The following TRPM2 variants were observed in gnomAD, a reference collection of about 807,000 sequenced individuals.
The protein encoded by TRPM2 is estrogen-responsive element-associated gene 1 protein.
A neutral mutation model predicts 174.0 loss-of-function variants in TRPM2; 161 were observed. That is an observed-to-expected ratio of 0.93 (90% CI 0.81 to 1.05). The LOEUF is 1.05. Among genes scored for constraint, TRPM2 ranks in the 50% least tolerant of loss-of-function variants. The pLI, the probability that TRPM2 is intolerant of heterozygous loss-of-function variation, is 0.00. For synonymous variants in TRPM2, 954 were observed against 861.3 expected, an observed-to-expected ratio of 1.11 and a Z score of -1.88; for missense variants, 2,057 against 2,038.0, an observed-to-expected ratio of 1.01 and a Z score of -0.18.
chr21:44,364,052 G>T, intron 2 of TRPM2, 62 bp from the exon 3 acceptor site: 2 of 1,543,788 alleles, frequency 1.3e-6, no homozygotes, highest in Non-Finnish European at 1.8e-6. Flanking sequence ...CTCCTCTGAT[G>T]CCTTCACAGG....
intron 31 of TRPM2, among the ~76,000 whole-genome samples, 162 bp downstream of exon 31, chr21:44,441,067 G>A (rs1474323764): frequency 6.6e-6 from 1 of 152,174 alleles, no homozygotes; most frequent in East Asian, 1.9e-4. Context: ...ACCGGGGTCT[G>A]GATTCTGGAC....
chr21:44,419,645 T>C (rs1312144572), intron 22 of TRPM2, among the ~76,000 whole-genome samples: 1 of 35,666 alleles, frequency 2.8e-5, no homozygotes, highest in Non-Finnish European at 6.4e-5. Context: ...GTGGTGGTGT[T>C]GGTGATGGTG....
At chr21:44,407,951 G>T (rs929555734) in intron 19 of TRPM2, among the ~76,000 whole-genome samples, 8 of 150,160 alleles carry the variant, frequency 5.3e-5, no homozygotes, top group African/African-American at 2.0e-4. Context: ...TCCCCTAGAG[G>T]GAGTCTCGCT....
chr21:44,420,590 C>A (rs13048943), intron 22 of TRPM2, among the ~76,000 whole-genome samples: 110,528 of 152,168 alleles, frequency 0.73, 40,405 homozygotes, highest in East Asian at 0.77. Flanking sequence ...AGTGCCCTGA[C>A]AACCTTCTCT....
chr21:44,406,856 G>C, intron 19 of TRPM2, 91 bp downstream of exon 19: 1 of 1,476,560 alleles, frequency 6.8e-7, no homozygotes, highest in South Asian at 1.2e-5. Context: ...AGTGAGGCCG[G>C]CTCCATCAGG....
At chr21:44,400,153 G>T (rs1177250392) in intron 14 of TRPM2, 106 bp from the exon 15 acceptor site, 1 of 898,318 alleles carries the variant, frequency 1.1e-6, no homozygotes. Context: ...GAGACTGCAG[G>T]CTAGCTCTGT....
chr21:44,382,791 A>T lies in TRPM2; in HGVS notation c.1289A>T (p.Asp430Val), dbSNP rs1312125716. 5 of 1,613,802 alleles carry T rather than the reference A, an allele frequency of 3.1e-6. No individual in the cohort carries two copies. The highest frequency in any genetic ancestry group is 4.2e-6 in the Non-Finnish European group (5 of 1,179,968). The change falls in exon 9 of 32, where the codon GAT becomes GTT. Residue 430 changes from aspartate (D) to valine (V), a missense_variant. Physicochemically the swap from Asp to Val is radical, Grantham distance 152 (BLOSUM62 -3). Coordinates refer to ENST00000397928, the MANE Select transcript of TRPM2 (RefSeq NM_003307.4). ...REGKDGQQDV[D>V]VAILQALLKA... Reference sequence around the variant, plus strand: ...GGCAAGGATGGTCAGCAGGACGTGGATGTGGCCATCTTGCAGGCCTTGCTG... The same window carrying T: ...GGCAAGGATGGTCAGCAGGACGTGGTTGTGGCCATCTTGCAGGCCTTGCTG...
intron 22 of TRPM2, among the ~76,000 whole-genome samples, chr21:44,420,407 G>C (rs1006283035): frequency 6.6e-6 from 1 of 152,314 alleles, no homozygotes; most frequent in Non-Finnish European, 1.5e-5. Context: ...GGGATGTAGA[G>C]CAGGCCCAGT....
intron 19 of TRPM2, among the ~76,000 whole-genome samples, chr21:44,413,657 G>A (rs1403164324): frequency 3.3e-5 from 5 of 152,152 alleles, no homozygotes; most frequent in East Asian, 1.9e-4. Flanking sequence ...GCGGAGGCAC[G>A]GGCCAGCCTG....
intron 8 of TRPM2, among the ~76,000 whole-genome samples, chr21:44,379,704 G>A (rs1373647159): frequency 6.6e-6 from 1 of 152,218 alleles, no homozygotes; most frequent in African/African-American, 2.4e-5. Flanking sequence ...CTCCAGAGGG[G>A]GTCCGTTGTG....
upstream of TRPM2, among the ~76,000 whole-genome samples, chr21:44,352,410 C>T (rs2123001173): frequency 2.0e-5 from 3 of 152,358 alleles, no homozygotes; most frequent in East Asian, 5.8e-4. Context: ...AAGAGCCCGG[C>T]ACCGAGCTTC....
At chr21:44,372,267 G>T (rs955206601) in intron 5 of TRPM2, among the ~76,000 whole-genome samples, 4 of 152,230 alleles carry the variant, frequency 2.6e-5, no homozygotes, top group Admixed American at 6.5e-5. Context: ...ACTTTGGGAG[G>T]CCAAGGCAGG....
chr21:44,358,798 C>A (rs1360221626), intron 2 of TRPM2, among the ~76,000 whole-genome samples: 2 of 152,192 alleles, frequency 1.3e-5, no homozygotes, highest in African/African-American at 4.8e-5. Context: ...GAGTTGGTTC[C>A]TTCCCGGGGG....
At chr21:44,381,940 TGATAGATAGATGGATAGATAGATA>T (rs544544752) in intron 8 of TRPM2, among the ~76,000 whole-genome samples, 3,021 of 131,244 alleles carry the variant, frequency 0.023, 51 homozygotes, top group Middle Eastern at 0.049. Flanking sequence ...TGAATTGATA[TGATAGATAGATGGATAGATAGATA>T]GATAGATAGA....
chr21:44,375,720 C>A, intron 5 of TRPM2, 113 bp from the exon 6 acceptor site: 1 of 1,268,518 alleles, frequency 7.9e-7, no homozygotes, highest in Non-Finnish European at 1.1e-6. Context: ...AGGCCACGTC[C>A]ACAGATTCCA....
At chr21:44,406,924 C>G (rs1228188009) in intron 19 of TRPM2, among the ~76,000 whole-genome samples, 159 bp downstream of exon 19, 3 of 150,328 alleles carry the variant, frequency 2.0e-5, no homozygotes, top group Non-Finnish European at 3.0e-5. Flanking sequence ...TTCCCCAGCT[C>G]CTGTGGCAGG....
intron 20 of TRPM2, chr21:44,415,863 T>G (rs2050261081): frequency 6.6e-6 from 1 of 152,068 alleles, no homozygotes; most frequent in South Asian, 2.1e-4. Context: ...CCCCAGGCTT[T>G]GGGGGTTCTG....
At chr21:44,353,900 G>C in intron 1 of TRPM2, 35 bp downstream of exon 1, 1 of 1,585,592 alleles carries the variant, frequency 6.3e-7, no homozygotes. Flanking sequence ...CAGTTGGCAC[G>C]TGGCCACGGA....
intron 5 of TRPM2, 64 bp from the exon 6 acceptor site, chr21:44,375,769 C>T (rs1286605483): frequency 1.4e-5 from 22 of 1,530,062 alleles, no homozygotes; most frequent in Non-Finnish European, 1.4e-5. Flanking sequence ...CGGTGTTCAG[C>T]CTGCTCGCGT....
Sources: allele counts gnomAD v4.1 joint callset (sites outside exome capture counted in the v4.1 genomes callset), GRCh38; gene constraint gnomAD v4.1.1; transcripts MANE v1.5; gene names NCBI Gene and HGNC (gene_info 2026-07-23, HGNC 2026-07-21).